Variants in LRMDA observed in about 807,000 individuals in gnomAD.
LRMDA encodes leucine-rich melanocyte differentiation-associated protein.
LRMDA carries 18 observed loss-of-function variants against 29.8 expected under a neutral mutation model. The ratio of observed to expected loss-of-function variants is 0.60; its 90% CI spans 0.42 to 0.90. The LOEUF is 0.90. Among genes scored for constraint, LRMDA ranks in the 40% least tolerant of loss-of-function variants. LRMDA has a pLI of 0.00. For missense variants in LRMDA, 273 were observed against 273.9 expected (o/e 1.00, Z 0.02); for synonymous variants, 125 against 109.4 (o/e 1.14, Z -0.89).
At chr10:76,144,574 A>G (rs1476815494) in intron 5 of LRMDA, among the ~76,000 whole-genome samples, 5 of 152,208 alleles carry the variant, frequency 3.3e-5, no homozygotes, top group African/African-American at 9.7e-5. Flanking sequence ...GTTGTTTATC[A>G]GCTTGAGGAG....
At chr10:75,489,312 G>C (rs1185676218) in intron 2 of LRMDA, among the ~76,000 whole-genome samples, 2 of 151,834 alleles carry the variant, frequency 1.3e-5, no homozygotes, top group Admixed American at 6.6e-5. Context: ...GAAACTAAAG[G>C]GGGTAGCTGA....
At chr10:75,464,840 T>C (rs1844630131) in intron 2 of LRMDA, among the ~76,000 whole-genome samples, 1 of 152,188 alleles carries the variant, frequency 6.6e-6, no homozygotes, top group African/African-American at 2.4e-5. Flanking sequence ...CTCTCCCTTT[T>C]CTTTTTTATT....
intron 5 of LRMDA, among the ~76,000 whole-genome samples, chr10:76,235,648 T>C (rs1409669217): frequency 1.3e-5 from 2 of 152,180 alleles, no homozygotes; most frequent in Non-Finnish European, 2.9e-5. Context: ...TGTCCCTGGC[T>C]GATAAGATTC....
rs114816703 is a variant in LRMDA at position 76,030,068 on chromosome 10, G to A, written c.132-5940G>A. 4.4e-3 allele frequency among the ~76,000 whole-genome samples: 675 copies of A among 152,164 alleles called. 7 individuals are homozygous for A. The highest frequency in any genetic ancestry group is 0.015 in the African/African-American group (634 of 41,516). ...ACACCATCATGCCAGGCTACTTTTT[G>A]TGTTTTAGAAATGGCGTCTTACTAT... On this transcript the variant is annotated intron_variant, in intron 2 of 6. Transcript: ENST00000611255.
chr10:75,679,345 GCAT>G (rs1841997955), intron 2 of LRMDA, among the ~76,000 whole-genome samples: 1 of 152,048 alleles, frequency 6.6e-6, no homozygotes, highest in Non-Finnish European at 1.5e-5. Context: ...CAGAGAGTAG[GCAT>G]TATTATTATA....
At chr10:75,687,404 C>T (rs995921949) in intron 2 of LRMDA, among the ~76,000 whole-genome samples, 1 of 152,148 alleles carries the variant, frequency 6.6e-6, no homozygotes, top group Admixed American at 6.5e-5. Context: ...GGTAGAAGAT[C>T]GAGCCAGCCA....
chr10:76,184,674 G>A (rs1851114899), intron 5 of LRMDA, among the ~76,000 whole-genome samples: 1 of 152,168 alleles, frequency 6.6e-6, no homozygotes, highest in African/African-American at 2.4e-5. Flanking sequence ...AAGTTTTAAA[G>A]TTTCCCCAAT....
At chr10:76,494,321 C>A (rs1288593378) in intron 6 of LRMDA, among the ~76,000 whole-genome samples, 1 of 132,626 alleles carries the variant, frequency 7.5e-6, no homozygotes, top group Non-Finnish European at 1.7e-5. Flanking sequence ...ACTCAGGCTA[C>A]ATAGCTTTTT....
At chr10:75,563,991 C>T (rs962830343) in intron 2 of LRMDA, among the ~76,000 whole-genome samples, 1 of 152,200 alleles carries the variant, frequency 6.6e-6, no homozygotes, top group African/African-American at 2.4e-5. Flanking sequence ...GTCAGGGACC[C>T]ACTTGAGGAG....
At chr10:76,493,003 G>C (rs1842848703) in intron 6 of LRMDA, among the ~76,000 whole-genome samples, 1 of 151,936 alleles carries the variant, frequency 6.6e-6, no homozygotes, top group African/African-American at 2.4e-5. Context: ...TCTCACCCAA[G>C]GTCCACTGTA....
At chr10:76,291,418 G>A (rs1840338887) in intron 5 of LRMDA, among the ~76,000 whole-genome samples, 1 of 152,136 alleles carries the variant, frequency 6.6e-6, no homozygotes, top group African/African-American at 2.4e-5. Flanking sequence ...AATTGTGGGG[G>A]ATATTTTATA....
chr10:75,958,638 T>C (rs1453879258), intron 2 of LRMDA, among the ~76,000 whole-genome samples: 1 of 152,200 alleles, frequency 6.6e-6, no homozygotes, highest in Non-Finnish European at 1.5e-5. Context: ...TAATTGATGT[T>C]TTATGGATTT....
intron 6 of LRMDA, among the ~76,000 whole-genome samples, chr10:76,363,219 GAAA>G (rs1564520765): frequency 0.016 from 179 of 11,122 alleles, 19 homozygotes; most frequent in African/African-American, 0.051. Context: ...GGAAGGAAGA[GAAA>G]GAAAGAAAGA....
chr10:75,969,579 A>G (rs1461666692), intron 2 of LRMDA, among the ~76,000 whole-genome samples: 1 of 152,248 alleles, frequency 6.6e-6, no homozygotes, highest in African/African-American at 2.4e-5. Flanking sequence ...GCTCACGCTT[A>G]TTATGATAAT....
chr10:76,401,893 C>T (rs1359225498), intron 6 of LRMDA, among the ~76,000 whole-genome samples: 1 of 152,072 alleles, frequency 6.6e-6, no homozygotes, highest in African/African-American at 2.4e-5. Flanking sequence ...GTAGCTGGCC[C>T]TGACTAGGGG....
intron 2 of LRMDA, among the ~76,000 whole-genome samples, chr10:75,772,245 A>G (rs1026511224): frequency 1.3e-5 from 2 of 152,184 alleles, no homozygotes; most frequent in African/African-American, 4.8e-5. Context: ...TTATTTTTGT[A>G]AAATTAGGAC....
chr10:75,787,207 C>T (rs560580731), intron 2 of LRMDA, among the ~76,000 whole-genome samples: 72 of 152,316 alleles, frequency 4.7e-4, no homozygotes, highest in Non-Finnish European at 8.1e-4. Flanking sequence ...TCTCTGGGGT[C>T]CCCTTAATTG....
intron 6 of LRMDA, among the ~76,000 whole-genome samples, chr10:76,508,313 T>C (rs1842978404): frequency 6.6e-6 from 1 of 152,200 alleles, no homozygotes; most frequent in South Asian, 2.1e-4. Context: ...TCACTAAGTT[T>C]AGCACCTGTT....
intron 2 of LRMDA, among the ~76,000 whole-genome samples, chr10:75,895,751 C>T (rs374718787): frequency 5.2e-4 from 79 of 152,318 alleles, no homozygotes; most frequent in African/African-American, 1.6e-3. Flanking sequence ...TGAAGGAAGG[C>T]AGAAGGCCTT....
Sources: gnomAD v4.1 joint callset for allele counts (sites outside exome capture counted in the v4.1 genomes callset) on GRCh38, gnomAD v4.1.1 for gene constraint, MANE v1.5 for transcripts, NCBI Gene and HGNC (gene_info 2026-07-23, HGNC 2026-07-21) for gene names.